The following KIRREL3 variants were observed in gnomAD, a reference collection of about 807,000 sequenced individuals.
The protein encoded by KIRREL3 is kirre like nephrin family adhesion molecule 3.
In KIRREL3, 36 loss-of-function variants were observed where a neutral mutation model predicts 89.7. The observed-to-expected ratio is 0.40, with a 90% CI of 0.31 to 0.53. KIRREL3 has a LOEUF of 0.53. Among genes scored for constraint, KIRREL3 ranks in the 20% least tolerant of loss-of-function variants. The pLI, the probability that KIRREL3 is intolerant of heterozygous loss-of-function variation, is 0.49. For synonymous variants in KIRREL3, 445 were observed against 441.4 expected (o/e 1.01, Z -0.10); for missense variants, 864 against 1,056.6 (o/e 0.82, Z 2.53).
rs940004256 is a variant in KIRREL3, at chr11:126,455,234, T to C, written c.848+1115A>G. ...AGGCTGAGTCAGGGCCATGGCAAGT[T>C]CCACGTGGCACCCAAAAGGAGGTGA... On this transcript the variant is annotated intron_variant, in intron 7 of 16. Transcript: ENST00000525144. The surrounding 1 kb of genome is among the most constrained non-coding windows in gnomAD (Gnocchi z 6.4). Among the ~76,000 whole-genome samples the C allele has an allele frequency of 3.3e-5, 5 of 152,182 alleles. No individual in the cohort carries two copies. The highest frequency in any genetic ancestry group is 1.2e-4 in the African/African-American group (5 of 41,450).
At chr11:126,560,463 G>A (rs1485328405) in intron 2 of KIRREL3, among the ~76,000 whole-genome samples, 4 of 152,118 alleles carry the variant, frequency 2.6e-5, no homozygotes, top group African/African-American at 9.7e-5. Flanking sequence ...TAGTTTAACG[G>A]CACCAATTGC....
Position 126,686,226 on chromosome 11 carries a change from G to A in KIRREL3, c.56-123314C>T, listed in dbSNP as rs933067060. On this transcript the variant is annotated intron_variant, in intron 1 of 16. Coordinates refer to ENST00000525144, the MANE Select transcript of KIRREL3 (RefSeq NM_032531.4). The surrounding 1 kb of genome is among the most constrained non-coding windows in gnomAD (Gnocchi z 4.7). Reference sequence around the variant, plus strand: ...CAGGGGCTTTCTCACGTGTGGCGCGGGTGTGGAGGCAGGTCTCCATGGATT... The same window carrying A: ...CAGGGGCTTTCTCACGTGTGGCGCGAGTGTGGAGGCAGGTCTCCATGGATT... Among the ~76,000 whole-genome samples the A allele has an allele frequency of 2.6e-5, 4 of 152,186 alleles. No individual in the cohort carries two copies. The highest frequency in any genetic ancestry group is 6.5e-5 in the Admixed American group (1 of 15,286).
At position 126,647,645 on chromosome 11, in the gene KIRREL3, CA is replaced by C. The variant is rs1944742100; in HGVS notation, c.56-84734del. Reference sequence around the variant, plus strand: ...TTGGAATCTGGTCTTCTTGCCCCTCCAAGGCTACCCCCTGGTCCAAGTCACT... The same window carrying C: ...TTGGAATCTGGTCTTCTTGCCCCTCCAGGCTACCCCCTGGTCCAAGTCACT... On this transcript the variant is annotated intron_variant, in intron 1 of 16. Coordinates refer to ENST00000525144, the MANE Select transcript of KIRREL3 (RefSeq NM_032531.4). This position sits in a 1 kb window ranked among gnomAD's most constrained non-coding sequence, Gnocchi z 4.9. Among the ~76,000 whole-genome samples the C allele has an allele frequency of 6.6e-6, 1 of 152,190 alleles. No homozygotes were observed.
In KIRREL3 at chr11:126,531,674, CT is replaced by C. The variant is rs941100736; in HGVS notation, c.134-4988del. 6.6e-6 allele frequency among the ~76,000 whole-genome samples: 1 copy of C among 150,440 alleles called. No homozygotes were observed. The highest frequency in any genetic ancestry group is 2.4e-5 in the African/African-American group (1 of 40,882). On this transcript the variant is annotated intron_variant, in intron 2 of 16. Transcript: ENST00000525144. This position sits in a 1 kb window ranked among gnomAD's most constrained non-coding sequence, Gnocchi z 4.7. Reference sequence around the variant, plus strand: ...ATGGAATCTTCTTTTTTCTCGTCTTCTCTCTATATTCTCATCTTGCCTCTTT... The same window carrying C: ...ATGGAATCTTCTTTTTTCTCGTCTTCCTCTATATTCTCATCTTGCCTCTTT...
chr11:126,789,043 C>G (rs988376743), intron 1 of KIRREL3, among the ~76,000 whole-genome samples: 2 of 152,152 alleles, frequency 1.3e-5, no homozygotes, highest in African/African-American at 2.4e-5. Context: ...CTGAATAGCT[C>G]TGTCACTGCA....
chr11:126,814,417 A>G lies in KIRREL3; in HGVS notation c.55+186038T>C, dbSNP rs1275156989. On this transcript the variant is annotated intron_variant, in intron 1 of 16. Transcript: ENST00000525144. The surrounding 1 kb of genome is among the most constrained non-coding windows in gnomAD (Gnocchi z 4.4). ...TTTGACCCAGCAATCCCATTACTGG[A>G]TATATACCCAAAGGAATATAAATCA... is the stretch of plus-strand genomic sequence containing the variant. Among the ~76,000 whole-genome samples the G allele has an allele frequency of 6.6e-6, 1 of 152,184 alleles. No individual in the cohort carries two copies. Among genetic ancestry groups the G allele is most frequent in the African/African-American group, 2.4e-5 (1 of 41,438 alleles).
intron 6 of KIRREL3, among the ~76,000 whole-genome samples, chr11:126,456,854 A>G (rs1956362302): frequency 1.3e-5 from 2 of 152,138 alleles, no homozygotes; most frequent in African/African-American, 2.4e-5. Flanking sequence ...ATGTCTGTTT[A>G]TTATCTCTTT....
chr11:126,438,216 G>A lies in KIRREL3; in HGVS notation c.1354-1207C>T, dbSNP rs554104923. On this transcript the variant is annotated intron_variant, in intron 11 of 16. Transcript: ENST00000525144. Reference sequence around the variant, plus strand: ...TGAACGCGTCTACCTGTGTGATGTTGTATGTCTGTGTGAGAAATGTGTCTA... The same window carrying A: ...TGAACGCGTCTACCTGTGTGATGTTATATGTCTGTGTGAGAAATGTGTCTA... 1.7e-3 allele frequency among the ~76,000 whole-genome samples: 260 copies of A among 152,374 alleles called. 1 individual carries two copies. The highest frequency in any genetic ancestry group is 6.1e-3 in the African/African-American group (252 of 41,584).
Position 126,446,819 on chromosome 11 carries a change from G to A in KIRREL3, c.1065C>T (p.Ser355=). 1 of 1,601,870 alleles carries A rather than the reference G, an allele frequency of 6.2e-7. No individual in the cohort carries two copies. Among genetic ancestry groups the A allele is most frequent in the Non-Finnish European group, 8.5e-7 (1 of 1,174,444 alleles). Residue 355 remains serine, a synonymous_variant, in exon 9 of 17, where the codon AGC becomes AGT. Transcript: ENST00000525144. ...LVDLGSDAIF[S]CAWTGNPSLT... Reference sequence around the variant, plus strand: ...GGGATGGGTTGCCGGTCCAGGCGCAGCTGAAGATGGCATCAGAGCCCAGAT... The same window carrying A: ...GGGATGGGTTGCCGGTCCAGGCGCAACTGAAGATGGCATCAGAGCCCAGAT...
intron 10 of KIRREL3, among the ~76,000 whole-genome samples, chr11:126,444,758 A>G (rs935603080): frequency 7.2e-5 from 11 of 152,094 alleles, no homozygotes; most frequent in African/African-American, 2.7e-4. Context: ...AAGCTAACAA[A>G]CAAAAAGAGA....
rs952278893 is a variant in KIRREL3 at position 126,684,150 on chromosome 11, C to T, written c.56-121238G>A. 3.3e-5 allele frequency among the ~76,000 whole-genome samples: 5 copies of T among 152,208 alleles called. No individual in the cohort carries two copies. The highest frequency in any genetic ancestry group is 7.3e-5 in the Non-Finnish European group (5 of 68,038). On this transcript the variant is annotated intron_variant, in intron 1 of 16. Coordinates refer to ENST00000525144, the MANE Select transcript of KIRREL3 (RefSeq NM_032531.4). This position sits in a 1 kb window ranked among gnomAD's most constrained non-coding sequence, Gnocchi z 4.2. ...CTGCCCAGAGCCCTGGAACTGGACT[C>T]TCCCTGTGCAGGGCTGATGGGAAGG...
intron 1 of KIRREL3, among the ~76,000 whole-genome samples, chr11:126,828,458 T>C (rs926391084): frequency 6.6e-6 from 1 of 152,206 alleles, no homozygotes; most frequent in Admixed American, 6.5e-5. Context: ...CTGGACTTTT[T>C]AGAATGTGGC....
chr11:126,477,956 C>G lies in KIRREL3; in HGVS notation c.434-4490G>C, dbSNP rs564322273. ...AATGAGCAGCGAGTTCCCCACAATG[C>G]TGGCAGAGTGGGTCTATCACCAACA... On this transcript the variant is annotated intron_variant, in intron 4 of 16. Transcript: ENST00000525144. This position sits in a 1 kb window ranked among gnomAD's most constrained non-coding sequence, Gnocchi z 4.8. Among the ~76,000 whole-genome samples, 13 of 152,356 alleles carry G rather than the reference C, an allele frequency of 8.5e-5. No homozygotes were observed. Among genetic ancestry groups the G allele is most frequent in the African/African-American group, 3.1e-4 (13 of 41,576 alleles).
At position 126,449,021 on chromosome 11, in the gene KIRREL3, C is replaced by G. The variant is rs369716525; in HGVS notation, c.985G>C (p.Val329Leu). The G allele has an allele frequency of 2.3e-5, 37 of 1,611,034 alleles. No individual in the cohort carries two copies. In the African/African-American group the frequency reaches 4.9e-4, roughly 22 times the overall value. Residue 329 changes from valine (V) to leucine (L), a missense_variant, in exon 8 of 17, where the codon GTT becomes CTT. By Grantham distance (32) the Val-to-Leu change is conservative. Coordinates refer to ENST00000525144, the MANE Select transcript of KIRREL3 (RefSeq NM_032531.4). The stretch of plus-strand genomic sequence containing the variant: ...CCACTGCACTCACAGTAGACGTCAA[C>G]CGTGCGGCTGAGGTTGGTGCTGCCC... ...ALGSTNLSRT[V>L]DVYFGPRMTT...
At position 126,523,055 on chromosome 11, in the gene KIRREL3, T is replaced by C. The variant is rs1359607616; in HGVS notation, c.284-1591A>G. Among the ~76,000 whole-genome samples the C allele has an allele frequency of 1.3e-5, 2 of 151,778 alleles. No homozygotes were observed. The highest frequency in any genetic ancestry group is 2.9e-5 in the Non-Finnish European group (2 of 67,962). On this transcript the variant is annotated intron_variant, in intron 3 of 16. Transcript: ENST00000525144. The surrounding 1 kb of genome is among the most constrained non-coding windows in gnomAD (Gnocchi z 4.9). ...ATTTCAAAGAATCTCTCAGTGTGGG[T>C]TGGGCATGTTCCTGAGCTCCCAAGG...
chr11:126,983,638 C>G lies in KIRREL3; in HGVS notation c.55+16817G>C, dbSNP rs1197744877. On this transcript the variant is annotated intron_variant, in intron 1 of 16. Transcript: ENST00000525144. This position sits in a 1 kb window ranked among gnomAD's most constrained non-coding sequence, Gnocchi z 4.9. ...GGCCACGAGCCAAGGAGTGTAGGCA[C>G]TCTGCCTCTAGAAGCCAGAAAAGGC... is the stretch of plus-strand genomic sequence containing the variant. 6.6e-6 allele frequency among the ~76,000 whole-genome samples: 1 copy of G among 152,136 alleles called. No homozygotes were observed. Among genetic ancestry groups the G allele is most frequent in the Non-Finnish European group, 1.5e-5 (1 of 68,026 alleles).
At chr11:126,895,184 C>T (rs760491414) in intron 1 of KIRREL3, among the ~76,000 whole-genome samples, 4 of 151,946 alleles carry the variant, frequency 2.6e-5, no homozygotes, top group African/African-American at 7.3e-5. Flanking sequence ...AGAAGAAGGC[C>T]GGGTGCAGTG....
At chr11:126,910,350 G>A (rs1946766691) in intron 1 of KIRREL3, among the ~76,000 whole-genome samples, 1 of 152,122 alleles carries the variant, frequency 6.6e-6, no homozygotes, top group African/African-American at 2.4e-5. Flanking sequence ...CACTGGGGGT[G>A]GTCTTAAGGC....
chr11:126,731,757 A>G (rs1948625610), intron 1 of KIRREL3, among the ~76,000 whole-genome samples: 1 of 152,244 alleles, frequency 6.6e-6, no homozygotes, highest in South Asian at 2.1e-4. Flanking sequence ...CAGTTAGAGA[A>G]CAACAAGAAA....
Sources: allele counts gnomAD v4.1 joint callset (sites outside exome capture counted in the v4.1 genomes callset), GRCh38; gene constraint gnomAD v4.1.1; non-coding constraint Gnocchi (gnomAD v3.1); transcripts MANE v1.5; gene names NCBI Gene and HGNC (gene_info 2026-07-23, HGNC 2026-07-21).